The following USP10 variants were observed in gnomAD, a reference collection of about 807,000 sequenced individuals.
USP10 encodes ubiquitin carboxyl-terminal hydrolase 10.
A neutral mutation model predicts 84.5 loss-of-function variants in USP10; 22 were observed. That is an observed-to-expected ratio of 0.26 (90% CI 0.19 to 0.37). The LOEUF is 0.37. Among genes scored for constraint, USP10 ranks in the 10% least tolerant of loss-of-function variants. The pLI is 1.00. For synonymous variants in USP10, 454 were observed against 387.6 expected (o/e 1.17, Z -2.01); for missense variants, 1,019 against 998.9 (o/e 1.02, Z -0.27).
chr16:84,778,596 T>C (rs545048746), intron 13 of USP10, among the ~76,000 whole-genome samples: 7 of 152,314 alleles, frequency 4.6e-5, no homozygotes, highest in South Asian at 4.1e-4. Flanking sequence ...CTGATGGCTG[T>C]GTAGGAGTGT....
chr16:84,731,571 G>A (rs1394990740), intron 1 of USP10, among the ~76,000 whole-genome samples: 3 of 151,940 alleles, frequency 2.0e-5, no homozygotes, highest in Non-Finnish European at 2.9e-5. Flanking sequence ...TTTTGCACTT[G>A]AAAAGTAGTT....
intron 3 of USP10, among the ~76,000 whole-genome samples, chr16:84,743,414 T>C (rs111978893): frequency 9.7e-4 from 147 of 152,306 alleles, no homozygotes; most frequent in Middle Eastern, 3.4e-3. Flanking sequence ...CACTTGCACG[T>C]AACTGGCCCC....
intron 1 of USP10, among the ~76,000 whole-genome samples, chr16:84,710,367 T>C (rs139735315): frequency 3.9e-4 from 59 of 152,172 alleles, no homozygotes; most frequent in Non-Finnish European, 7.5e-4. Context: ...CTTTAGGCTC[T>C]CCTCCATAGC....
At chr16:84,755,391 C>T (rs1165035184) in intron 4 of USP10, among the ~76,000 whole-genome samples, 1 of 151,864 alleles carries the variant, frequency 6.6e-6, no homozygotes, top group Non-Finnish European at 1.5e-5. Context: ...ATCCTGTCTC[C>T]TTCCTCAGCC....
chr16:84,778,752 G>A (rs776994641), intron 13 of USP10, 143 bp from the exon 14 acceptor site: 2 of 773,094 alleles, frequency 2.6e-6, no homozygotes, highest in Non-Finnish European at 4.1e-6. Context: ...GCATTGGTTT[G>A]TGTGATGACA....
intron 10 of USP10, among the ~76,000 whole-genome samples, chr16:84,766,834 ACTT>A (rs1461231887): frequency 6.6e-6 from 1 of 152,194 alleles, no homozygotes; most frequent in East Asian, 1.9e-4. Context: ...CAACGTAGGA[ACTT>A]CTTTTCAGCC....
intron 1 of USP10, among the ~76,000 whole-genome samples, chr16:84,726,223 G>T (rs77762177): frequency 0.086 from 13,106 of 152,276 alleles, 734 homozygotes; most frequent in East Asian, 0.22. Flanking sequence ...CCCTAGTGCC[G>T]TGCTGTACTG....
Position 84,764,103 on chromosome 16 carries a change from G to T in USP10, c.1672G>T (p.Gly558Cys). ...CTTTTCAGAACTTACGATTTCCAAC[G>T]GCCCCAAAAACCACTCGGTCAATGA... ...PSNEKLTISN[G>C]PKNHSVNEEE... Residue 558 changes from glycine to cysteine, a missense_variant, in exon 10 of 14, where the codon GGC becomes TGC. Physicochemically the swap from Gly to Cys is radical, Grantham distance 159. This residue lies in a region of USP10 where 787 missense variants were observed against 708.8 expected (regional missense o/e 1.11). Coordinates refer to ENST00000219473, the MANE Select transcript of USP10 (RefSeq NM_005153.3). 1 of 1,612,916 alleles carries T rather than the reference G, an allele frequency of 6.2e-7. No homozygotes were observed. Among genetic ancestry groups the T allele is most frequent in the South Asian group, 1.1e-5 (1 of 91,020 alleles).
chr16:84,723,800 A>T (rs994051158), intron 1 of USP10, among the ~76,000 whole-genome samples: 1 of 152,212 alleles, frequency 6.6e-6, no homozygotes, highest in African/African-American at 2.4e-5. Context: ...TAACAGATGT[A>T]TTCATTTGTG....
At chr16:84,707,713 G>C (rs1415947797) in intron 1 of USP10, among the ~76,000 whole-genome samples, 1 of 152,182 alleles carries the variant, frequency 6.6e-6, no homozygotes, top group African/African-American at 2.4e-5. Context: ...AGGATCCAGT[G>C]TGCAGGGGAT....
Position 84,715,904 on chromosome 16 carries a change from A to T in USP10, c.21+15793A>T, listed in dbSNP as rs540974940. 2.0e-5 allele frequency among the ~76,000 whole-genome samples: 3 copies of T among 152,284 alleles called. No homozygotes were observed. The East Asian group carries it at 5.8e-4, about 29-fold the overall frequency. On this transcript the variant is annotated intron_variant, in intron 1 of 13. Transcript: ENST00000219473. The stretch of plus-strand genomic sequence containing the variant: ...ATGGCGGAATGGCCACAGCAGTTTC[A>T]GGCTTCACATTTGGGCACAGCCTCC...
chr16:84,704,259 C>G (rs1905216542), intron 1 of USP10, among the ~76,000 whole-genome samples: 1 of 152,190 alleles, frequency 6.6e-6, no homozygotes, highest in Admixed American at 6.5e-5. Flanking sequence ...AACGTGGTTG[C>G]TGAGGACACT....
Position 84,779,073 on chromosome 16 carries a change from C to T in USP10, c.2388C>T (p.Asp796=). Residue 796 remains aspartate, a synonymous_variant, in exon 14 of 14, where the codon GAC becomes GAT. Transcript: ENST00000219473. ...ACCTCCTGTATTACCGCCGAGTGGA[C>T]CTGCTGTAAACCCTGTGTGCGCTGT... is the stretch of plus-strand genomic sequence containing the variant. The part of the protein sequence containing the change: ...TAYLLYYRRV[D]LL 7.4e-6 allele frequency: 12 copies of T among 1,613,522 alleles called. No individual in the cohort carries two copies. Among genetic ancestry groups the T allele is most frequent in the Non-Finnish European group, 9.3e-6 (11 of 1,179,560 alleles).
chr16:84,757,400 G>GTGTGTGT (rs1555546460), intron 4 of USP10, among the ~76,000 whole-genome samples: 86 of 61,200 alleles, frequency 1.4e-3, no homozygotes, highest in African/African-American at 4.7e-3. Context: ...GAGAGGGGTG[G>GTGTGTGT]GGGTGTGTGT....
At chr16:84,774,256 AATAAC>A (rs1914746080) in intron 12 of USP10, among the ~76,000 whole-genome samples, 1 of 151,844 alleles carries the variant, frequency 6.6e-6, no homozygotes, top group African/African-American at 2.4e-5. Context: ...AAAATAAATA[AATAAC>A]ATAAATGGGG....
chr16:84,704,220 A>G (rs1340222148), intron 1 of USP10, among the ~76,000 whole-genome samples: 1 of 150,940 alleles, frequency 6.6e-6, no homozygotes, highest in Non-Finnish European at 1.5e-5. Flanking sequence ...CTTCCTGTTA[A>G]TGGTTCCTGG....
At chr16:84,701,788 T>G (rs1299691497) in intron 1 of USP10, among the ~76,000 whole-genome samples, 2 of 152,194 alleles carry the variant, frequency 1.3e-5, no homozygotes, top group African/African-American at 4.8e-5. Context: ...ATACACATCT[T>G]TAGAAAATTG....
intron 1 of USP10, among the ~76,000 whole-genome samples, chr16:84,723,071 C>G (rs952426122): frequency 6.6e-6 from 1 of 150,742 alleles, no homozygotes; most frequent in Non-Finnish European, 1.5e-5. Flanking sequence ...ATTTGAGGGT[C>G]AAAGATGGGG....
intron 9 of USP10, among the ~76,000 whole-genome samples, chr16:84,763,783 CG>C (rs2150856745): frequency 6.6e-6 from 1 of 151,274 alleles, no homozygotes; most frequent in East Asian, 1.9e-4. Flanking sequence ...GATCCAGTGA[CG>C]TTGCACCTGT....
Sources: gnomAD v4.1 joint callset for allele counts (sites outside exome capture counted in the v4.1 genomes callset) on GRCh38, gnomAD v4.1.1 for gene constraint, gnomAD v4.1.1 regional missense constraint, MANE v1.5 for transcripts, NCBI Gene and HGNC (gene_info 2026-07-23, HGNC 2026-07-21) for gene names.